Variants in CYP4X1 observed in about 807,000 individuals in gnomAD.
The protein encoded by CYP4X1 is cytochrome P450 family 4 subfamily X member 1.
Under a neutral mutation model 57.9 loss-of-function variants are expected in CYP4X1, and 44 were observed. That is an observed-to-expected ratio of 0.76 (90% CI 0.60 to 0.98). The LOEUF is 0.98. CYP4X1 is among the 50% of genes least tolerant of loss of function. The pLI is 0.00. For missense variants in CYP4X1, 532 were observed against 623.9 expected (o/e 0.85, Z 1.57); for synonymous variants, 227 against 228.6 (o/e 0.99, Z 0.06).
intron 6 of CYP4X1, among the ~76,000 whole-genome samples, chr1:47,038,265 TG>T (rs1368780497): frequency 5.0e-4 from 76 of 152,316 alleles, no homozygotes; most frequent in African/African-American, 1.6e-3. Flanking sequence ...ATTTTTGTTT[TG>T]TTTTTTTTCT....
chr1:47,037,493 G>T (rs751724647), intron 6 of CYP4X1, among the ~76,000 whole-genome samples: 7 of 151,588 alleles, frequency 4.6e-5, no homozygotes, highest in Non-Finnish European at 8.8e-5. Flanking sequence ...TTATTTTATT[G>T]CATCTGGATT....
At chr1:47,027,766 C>T (rs758431636) in intron 1 of CYP4X1, among the ~76,000 whole-genome samples, 3 of 152,186 alleles carry the variant, frequency 2.0e-5, no homozygotes, top group Admixed American at 6.5e-5. Flanking sequence ...TTATATTGCT[C>T]TCCCTGCAAA....
chr1:47,018,223 C>G, the CYP4X1 span, among the ~76,000 whole-genome samples: 1 of 152,052 alleles, frequency 6.6e-6, no homozygotes, highest in East Asian at 1.9e-4. Flanking sequence ...AGGGAGAAGG[C>G]CTAGGAAATA....
Position 47,033,354 on chromosome 1 carries a change from G to A in CYP4X1, c.478G>A (p.Val160Met). ...ATACATTGAGGTGATGGCTCATTCTGTGAAAATGATGCTGGTAAGTAAAGG... is the reference window on the plus strand; with the variant it reads ...ATACATTGAGGTGATGGCTCATTCTATGAAAATGATGCTGGTAAGTAAAGG... ...KAYIEVMAHS[V>M]KMMLDKWEKI... Residue 160 changes from valine (V) to methionine (M), a missense_variant, in exon 4 of 12, where the codon GTG becomes ATG. Physicochemically the swap from Val to Met is conservative, Grantham distance 21. Coordinates refer to ENST00000371901, the MANE Select transcript of CYP4X1 (RefSeq NM_178033.2). 1 of 1,613,674 alleles carries A rather than the reference G, an allele frequency of 6.2e-7. No homozygotes were observed. Among genetic ancestry groups the A allele is most frequent in the Non-Finnish European group, 8.5e-7 (1 of 1,179,762 alleles).
At chr1:47,029,948 T>A in intron 1 of CYP4X1, 42 bp from the exon 2 acceptor site, 3 of 1,602,974 alleles carry the variant, frequency 1.9e-6, no homozygotes, top group Non-Finnish European at 2.6e-6. Context: ...AGGGGACAGG[T>A]CCAGCTTGGC....
At chr1:46,977,877 G>A in the CYP4X1 span, among the ~76,000 whole-genome samples, 1 of 152,008 alleles carries the variant, frequency 6.6e-6, no homozygotes, top group Non-Finnish European at 1.5e-5. Flanking sequence ...GCCAAACTAA[G>A]CTTCATAAGA....
the CYP4X1 span, among the ~76,000 whole-genome samples, chr1:46,980,174 A>T: frequency 6.6e-6 from 1 of 152,220 alleles, no homozygotes; most frequent in Non-Finnish European, 1.5e-5. Flanking sequence ...TTAGGAAAAG[A>T]TGAAGTCAAA....
At chr1:46,976,677 C>A in the CYP4X1 span, among the ~76,000 whole-genome samples, 1 of 152,186 alleles carries the variant, frequency 6.6e-6, no homozygotes, top group African/African-American at 2.4e-5. Flanking sequence ...TGTAGCCTAA[C>A]TGGGAGACAT....
At chr1:47,029,891 T>C in intron 1 of CYP4X1, 99 bp from the exon 2 acceptor site, 1 of 1,373,710 alleles carries the variant, frequency 7.3e-7, no homozygotes, top group Non-Finnish European at 1.0e-6. Context: ...CAGGCTCCTC[T>C]GCTTGTGTGA....
the CYP4X1 span, among the ~76,000 whole-genome samples, chr1:46,973,899 G>GT: frequency 3.3e-5 from 5 of 151,484 alleles, no homozygotes; most frequent in East Asian, 9.7e-4. Flanking sequence ...TCTTTTCTGT[G>GT]TTTTTTTCTC....
chr1:46,985,835 ATGT>A, the CYP4X1 span, among the ~76,000 whole-genome samples: 3 of 152,198 alleles, frequency 2.0e-5, no homozygotes, highest in Non-Finnish European at 4.4e-5. Flanking sequence ...ATCAAAAAGG[ATGT>A]TGTCCACACA....
chr1:47,043,162 AG>A, intron 8 of CYP4X1, among the ~76,000 whole-genome samples: 1 of 152,286 alleles, frequency 6.6e-6, no homozygotes, highest in South Asian at 2.1e-4. Flanking sequence ...TGCAGGAGTA[AG>A]GTGGTATTGC....
chr1:47,052,140 A>G (rs1462081984), downstream of CYP4X1, among the ~76,000 whole-genome samples: 13 of 152,142 alleles, frequency 8.5e-5, no homozygotes, highest in Admixed American at 8.5e-4. Flanking sequence ...AGGTGCTTCT[A>G]AACTTCTGTG....
chr1:46,962,159 T>C, the CYP4X1 span, among the ~76,000 whole-genome samples: 1 of 152,140 alleles, frequency 6.6e-6, no homozygotes, highest in Admixed American at 6.5e-5. Flanking sequence ...ACTCTTTTTT[T>C]CTCAGGCTGG....
At chr1:47,011,891 T>C in the CYP4X1 span, among the ~76,000 whole-genome samples, 3 of 152,162 alleles carry the variant, frequency 2.0e-5, no homozygotes, top group Non-Finnish European at 4.4e-5. Flanking sequence ...ATGGCGATCA[T>C]TAAAAAGTCA....
chr1:47,048,323 A>G (rs924808438), intron 9 of CYP4X1, among the ~76,000 whole-genome samples: 1 of 152,234 alleles, frequency 6.6e-6, no homozygotes, highest in Non-Finnish European at 1.5e-5. Context: ...TATCACTTTG[A>G]TATGACACCA....
At chr1:47,002,171 A>T in the CYP4X1 span, among the ~76,000 whole-genome samples, 2 of 152,244 alleles carry the variant, frequency 1.3e-5, no homozygotes, top group African/African-American at 4.8e-5. Context: ...TTTCTGTACA[A>T]CACATTTTTG....
At chr1:46,977,575 TC>T in the CYP4X1 span, among the ~76,000 whole-genome samples, 1 of 151,792 alleles carries the variant, frequency 6.6e-6, no homozygotes, top group Non-Finnish European at 1.5e-5. Flanking sequence ...TAGGAGAACT[TC>T]CCCAACCTAG....
chr1:46,968,825 C>T, the CYP4X1 span, among the ~76,000 whole-genome samples: 3 of 152,172 alleles, frequency 2.0e-5, no homozygotes, highest in Admixed American at 6.5e-5. Context: ...TCTTTGTTTT[C>T]CCATCATGGT....
Sources: gnomAD v4.1 joint callset for allele counts (sites outside exome capture counted in the v4.1 genomes callset) on GRCh38, gnomAD v4.1.1 for gene constraint, MANE v1.5 for transcripts, NCBI Gene and HGNC (gene_info 2026-07-23, HGNC 2026-07-21) for gene names.